UBOX5: variants seen among roughly 807,000 people sequenced by gnomAD.
The protein encoded by UBOX5 is U-box domain containing 5.
A neutral mutation model predicts 39.0 loss-of-function variants in UBOX5; 28 were observed. The observed-to-expected ratio is 0.72, with a 90% confidence interval of 0.53 to 0.98. The LOEUF (loss-of-function observed/expected upper bound fraction) is 0.98, where lower values mean the gene tolerates loss of function less well. UBOX5 is among the 50% of genes least tolerant of loss of function. UBOX5 has a pLI of 0.00. For missense variants in UBOX5, 585 were observed against 674.4 expected (o/e 0.87, Z 1.47); for synonymous variants, 283 against 275.5 (o/e 1.03, Z -0.27).
At chr20:3,121,354 C>T in intron 3 of UBOX5, 30 bp downstream of exon 3, 1 of 1,580,146 alleles carries the variant, frequency 6.3e-7, no homozygotes, top group East Asian at 2.2e-5. Flanking sequence ...GATGGATGAG[C>T]CTGGCTGCGG....
At chr20:3,124,569 T>C (rs2066363362) in intron 1 of UBOX5, among the ~76,000 whole-genome samples, 1 of 151,766 alleles carries the variant, frequency 6.6e-6, no homozygotes, top group Admixed American at 6.6e-5. Context: ...GAGGAGCCTC[T>C]CTGCCTGGCC....
At chr20:3,146,698 TG>T in intron 1 of UBOX5, 1 of 1,495,050 alleles carries the variant, frequency 6.7e-7, no homozygotes, top group African/African-American at 1.4e-5. Flanking sequence ...ACTTACATTC[TG>T]GCTTTTATAA....
intron 4 of UBOX5, among the ~76,000 whole-genome samples, chr20:3,111,352 G>A (rs557229748): frequency 1.3e-5 from 2 of 152,198 alleles, no homozygotes; most frequent in African/African-American, 4.8e-5. Flanking sequence ...CAGGCCGCTC[G>A]ACACATCTCT....
chr20:3,125,173 G>A (rs148117816), intron 1 of UBOX5, among the ~76,000 whole-genome samples: 1,799 of 145,884 alleles, frequency 0.012, 21 homozygotes, highest in South Asian at 0.042. Flanking sequence ...AGTGAGGAGC[G>A]CCACTGCCCG....
In UBOX5 at chr20:3,107,685, T is replaced by G. The variant is rs917157558; in HGVS notation, c.*2421A>C. 3 of 152,148 alleles carry G rather than the reference T, an allele frequency of 2.0e-5. No individual in the cohort carries two copies. The highest frequency in any genetic ancestry group is 7.2e-5 in the African/African-American group (3 of 41,416). 9.4% of individuals were successfully genotyped at this position (152,148 alleles called of 1,614,324 possible). A position where few individuals can be genotyped will look rare whatever the true frequency, so the allele number is the denominator to read the frequency against. ...AAAGACCACTTCCTTTTGGGGGAAGTCTTTCAATTAAGAAAAACACACGCA... is the reference window on the plus strand; with the variant it reads ...AAAGACCACTTCCTTTTGGGGGAAGGCTTTCAATTAAGAAAAACACACGCA... On this transcript the variant is annotated 3_prime_UTR_variant, in exon 5 of 5. Transcript: ENST00000217173. This position sits in a 1 kb window ranked among gnomAD's most constrained non-coding sequence, Gnocchi z 5.0.
intron 4 of UBOX5, 63 bp from the exon 5 acceptor site, chr20:3,110,377 CT>C: frequency 6.3e-7 from 1 of 1,584,180 alleles, no homozygotes; most frequent in East Asian, 2.2e-5. Context: ...CCAGGCTGCT[CT>C]GAGGGGCAGA....
intron 1 of UBOX5, chr20:3,147,124 C>T (rs745315738): frequency 1.9e-6 from 3 of 1,613,838 alleles, no homozygotes. Context: ...GCTGCCCAGG[C>T]TCTGACTCAG....
chr20:3,115,334 T>C lies in UBOX5; in HGVS notation c.1388A>G (p.Asn463Ser), dbSNP rs761455270. ...GCCGGTGCCAGGCCTCCAGGAAGTG[T>C]TGCTCCCTCTTGTGCCAAGGTGCTG... ...QLQHLGTRGS[N>S]TSWRPGTGSE... The change falls in exon 4 of 5, where the codon AAC becomes AGC. Residue 463 changes from asparagine (N) to serine (S), a missense_variant. Coordinates refer to ENST00000217173, the MANE Select transcript of UBOX5 (RefSeq NM_014948.4). 3.1e-6 allele frequency: 5 copies of C among 1,613,452 alleles called. No individual in the cohort carries two copies. Among genetic ancestry groups the C allele is most frequent in the Non-Finnish European group, 3.4e-6 (4 of 1,179,676 alleles).
chr20:3,138,487 G>T (rs306757), intron 1 of UBOX5, among the ~76,000 whole-genome samples: 8 of 151,938 alleles, frequency 5.3e-5, no homozygotes, highest in African/African-American at 1.9e-4. Context: ...GGATAACAGC[G>T]GAGAAGACTG....
In UBOX5 at chr20:3,146,002, C is replaced by T. The variant is rs554147252; in HGVS notation, c.-42+13764G>A. 9.4e-4 allele frequency among the ~76,000 whole-genome samples: 142 copies of T among 150,266 alleles called. 1 individual carries two copies. The highest frequency in any genetic ancestry group is 3.2e-3 in the African/African-American group (132 of 40,726). On this transcript the variant is annotated intron_variant, in intron 1 of 4. Transcript: ENST00000217173. ...CAGAGCTTGCAGTGAGCCAAGATCG[C>T]GCCATTGCTCTCCAACCTGGGCAAC...
rs2066286188 is a variant in UBOX5 at position 3,115,418 on chromosome 20, A to G, written c.1304T>C (p.Leu435Ser). 1 of 1,613,974 alleles carries G rather than the reference A, an allele frequency of 6.2e-7. No individual in the cohort carries two copies. Reference protein sequence around the residue: ...QKLSQSLEIALASTLGSMPSF... With the variant: ...QKLSQSLEIASASTLGSMPSF... ...GGGCATAGAGCCAAGGGTGGATGCC[A>G]AGGCAATTTCCAAGCTTTGTGACAG... Residue 435 changes from leucine (L) to serine (S), a missense_variant, in exon 4 of 5, where the codon TTG (leucine) becomes TCG (serine). Physicochemically the swap from Leu to Ser is moderately radical, Grantham distance 145. Transcript: ENST00000217173.
Position 3,123,413 on chromosome 20 carries a change from TAAG to T in UBOX5, c.-41-10_-41-8del, listed in dbSNP as rs770645908. On this transcript the variant is annotated splice_region_variant and splice_polypyrimidine_tract_variant and intron_variant, in intron 1 of 4. Coordinates refer to ENST00000217173, the MANE Select transcript of UBOX5 (RefSeq NM_014948.4). ...TCCAAGCATCAGAAGCAGCCTTAAA[TAAG>T]AAATAAAACTATGTATTAGAAAATG... 1.3e-6 allele frequency: 2 copies of T among 1,565,786 alleles called. No individual in the cohort carries two copies. The highest frequency in any genetic ancestry group is 2.7e-5 in the African/African-American group (2 of 73,738).
chr20:3,113,993 G>A (rs1568468121), intron 4 of UBOX5, among the ~76,000 whole-genome samples: 1 of 152,184 alleles, frequency 6.6e-6, no homozygotes, highest in Non-Finnish European at 1.5e-5. Context: ...AATTAGCTGG[G>A]CGTGGTGGCG....
chr20:3,133,518 CAG>C (rs2066445498), intron 1 of UBOX5, among the ~76,000 whole-genome samples: 1 of 150,426 alleles, frequency 6.6e-6, no homozygotes, highest in Admixed American at 6.6e-5. Context: ...AGCTTGGAGA[CAG>C]ATAATAATGG....
rs2066226600 is a variant in UBOX5, at chr20:3,108,240, T to A, written c.*1866A>T. On this transcript the variant is annotated 3_prime_UTR_variant, in exon 5 of 5. Transcript: ENST00000217173. ...CTCATGCCTCAGCCTCCTGAGTAGC[T>A]GGCATTACAGGCACACACCACCATG... is the stretch of plus-strand genomic sequence containing the variant. 6.6e-6 allele frequency: 1 copy of A among 152,512 alleles called. No homozygotes were observed. Among genetic ancestry groups the A allele is most frequent in the Non-Finnish European group, 1.5e-5 (1 of 68,294 alleles). The allele number at this position is 152,512 out of a possible 1,614,324, so 9.4% of individuals were successfully genotyped here.
At chr20:3,157,883 A>C (rs914163479) in intron 1 of UBOX5, among the ~76,000 whole-genome samples, 9 of 152,152 alleles carry the variant, frequency 5.9e-5, no homozygotes, top group Non-Finnish European at 1.2e-4. Flanking sequence ...CAAATAAAGA[A>C]GGAGTTTCAG....
chr20:3,141,799 G>A (rs987009336), intron 1 of UBOX5, among the ~76,000 whole-genome samples: 2 of 152,076 alleles, frequency 1.3e-5, no homozygotes, highest in African/African-American at 4.8e-5. Context: ...TATTGCTTGA[G>A]CCCAAGAGTT....
At chr20:3,126,607 AAGAG>A (rs201063003) in intron 1 of UBOX5, among the ~76,000 whole-genome samples, 1,737 of 149,890 alleles carry the variant, frequency 0.012, 15 homozygotes, top group South Asian at 0.043. Flanking sequence ...AAGACAGAGA[AAGAG>A]AGGGAGGGAG....
intron 1 of UBOX5, among the ~76,000 whole-genome samples, chr20:3,157,707 A>G (rs2066700928): frequency 6.6e-6 from 1 of 152,222 alleles, no homozygotes; most frequent in Non-Finnish European, 1.5e-5. Context: ...GAATTACAAA[A>G]TCCAGGCAGG....
Sources: allele counts gnomAD v4.1 joint callset (sites outside exome capture counted in the v4.1 genomes callset), GRCh38; gene constraint gnomAD v4.1.1; non-coding constraint Gnocchi (gnomAD v3.1); transcripts MANE v1.5; gene names NCBI Gene and HGNC (gene_info 2026-07-23, HGNC 2026-07-21).